The following ENTREP2 variants were observed in gnomAD, a reference collection of about 807,000 sequenced individuals.
ENTREP2 encodes the protein protein ENTREP2.
the ENTREP2 span, among the ~76,000 whole-genome samples, chr15:29,125,226 A>G: frequency 2.0e-5 from 3 of 152,216 alleles, no homozygotes; most frequent in African/African-American, 7.2e-5. Context: ...AGTACAGGGC[A>G]TCCTCCTCCA....
the ENTREP2 span, among the ~76,000 whole-genome samples, chr15:29,161,307 C>T: frequency 6.6e-6 from 1 of 152,188 alleles, no homozygotes; most frequent in Non-Finnish European, 1.5e-5. Flanking sequence ...GTGTTTCTGC[C>T]CCATAACGCA....
chr15:29,526,891 C>T, the ENTREP2 span, among the ~76,000 whole-genome samples: 7 of 152,088 alleles, frequency 4.6e-5, no homozygotes, highest in Admixed American at 2.0e-4. Flanking sequence ...CATCTGGCCT[C>T]CTCACTGATT....
chr15:29,409,662 C>T, the ENTREP2 span, among the ~76,000 whole-genome samples: 1 of 151,354 alleles, frequency 6.6e-6, no homozygotes, highest in Admixed American at 6.6e-5. Context: ...AGGGTCTCAC[C>T]GTGTTACCCA....
chr15:29,283,292 T>C, the ENTREP2 span, among the ~76,000 whole-genome samples: 1 of 152,200 alleles, frequency 6.6e-6, no homozygotes, highest in African/African-American at 2.4e-5. Flanking sequence ...GAAGAGACAG[T>C]GTAGTTTGCC....
chr15:29,516,663 G>C, the ENTREP2 span, among the ~76,000 whole-genome samples: 1 of 152,144 alleles, frequency 6.6e-6, no homozygotes, highest in East Asian at 1.9e-4. Flanking sequence ...TTTCACTTTA[G>C]AAGATGTGAA....
At chr15:29,608,483 C>A in the ENTREP2 span, among the ~76,000 whole-genome samples, 1 of 151,298 alleles carries the variant, frequency 6.6e-6, no homozygotes, top group Non-Finnish European at 1.5e-5. Flanking sequence ...TTCCTAGGGG[C>A]TCGACTGCTC....
the ENTREP2 span, among the ~76,000 whole-genome samples, chr15:29,478,019 A>ATATATATTTATATTT: frequency 1.8e-5 from 1 of 54,286 alleles, no homozygotes; most frequent in African/African-American, 9.0e-5. Context: ...ATATATATAT[A>ATATATATTTATATTT]TTTTTTTTTT....
At chr15:29,154,129 G>C in the ENTREP2 span, among the ~76,000 whole-genome samples, 2 of 152,196 alleles carry the variant, frequency 1.3e-5, no homozygotes, top group Non-Finnish European at 2.9e-5. Flanking sequence ...TGCTGAAATT[G>C]ATATCTTGGG....
chr15:29,651,978 G>A, the ENTREP2 span, among the ~76,000 whole-genome samples: 3 of 152,190 alleles, frequency 2.0e-5, no homozygotes, highest in South Asian at 2.1e-4. Flanking sequence ...CAGGCCGCCA[G>A]TCCTGTGGAT....
chr15:29,383,846 C>T, the ENTREP2 span, among the ~76,000 whole-genome samples: 2 of 152,292 alleles, frequency 1.3e-5, no homozygotes, highest in East Asian at 1.9e-4. Context: ...GCCTCTCACA[C>T]GTGTATTTTT....
At chr15:29,557,378 A>G in the ENTREP2 span, among the ~76,000 whole-genome samples, 1 of 152,136 alleles carries the variant, frequency 6.6e-6, no homozygotes, top group Non-Finnish European at 1.5e-5. Context: ...CAGCTGCTCC[A>G]CCTCATTCCC....
the ENTREP2 span, among the ~76,000 whole-genome samples, chr15:29,604,975 A>G: frequency 1.3e-5 from 2 of 152,228 alleles, no homozygotes; most frequent in Non-Finnish European, 2.9e-5. Context: ...AAACCGTGGT[A>G]TTTATAGGAG....
At chr15:29,359,417 T>C in the ENTREP2 span, among the ~76,000 whole-genome samples, 1 of 152,200 alleles carries the variant, frequency 6.6e-6, no homozygotes, top group African/African-American at 2.4e-5. Context: ...AAAACTTCTT[T>C]TTTTCTGAAC....
the ENTREP2 span, among the ~76,000 whole-genome samples, chr15:29,358,351 C>A: frequency 3.9e-5 from 6 of 152,054 alleles, no homozygotes; most frequent in Non-Finnish European, 7.4e-5. Context: ...AGTGCAATTC[C>A]ATTTACACAA....
the ENTREP2 span, among the ~76,000 whole-genome samples, chr15:29,653,144 C>G: frequency 6.6e-6 from 1 of 152,100 alleles, no homozygotes; most frequent in African/African-American, 2.4e-5. Context: ...TGCACCTTAA[C>G]ACAAAACAAA....
chr15:29,605,577 C>T, the ENTREP2 span, among the ~76,000 whole-genome samples: 106 of 152,206 alleles, frequency 7.0e-4, no homozygotes, highest in African/African-American at 2.5e-3. Context: ...TAGCACATGC[C>T]TGTAATCCCA....
the ENTREP2 span, among the ~76,000 whole-genome samples, chr15:29,537,630 G>A: frequency 2.0e-5 from 3 of 152,044 alleles, no homozygotes; most frequent in Non-Finnish European, 2.9e-5. Flanking sequence ...TCCACTTTGC[G>A]ACCCTGGCCC....
chr15:29,578,684 C>T, the ENTREP2 span, among the ~76,000 whole-genome samples: 5 of 152,084 alleles, frequency 3.3e-5, no homozygotes, highest in Non-Finnish European at 7.4e-5. Flanking sequence ...GGCCTTATTC[C>T]GTTAGCAGTA....
the ENTREP2 span, among the ~76,000 whole-genome samples, chr15:29,642,872 A>G: frequency 6.6e-6 from 1 of 152,158 alleles, no homozygotes. Flanking sequence ...TTGGCCTCCC[A>G]AAGTGCAGGG....
Sources: gnomAD v4.1 joint callset for allele counts (sites outside exome capture counted in the v4.1 genomes callset) on GRCh38, gnomAD v4.1.1 for gene constraint, MANE v1.5 for transcripts, NCBI Gene and HGNC (gene_info 2026-07-23, HGNC 2026-07-21) for gene names.